DLG4: variants seen among roughly 807,000 people sequenced by gnomAD.
DLG4 encodes the protein disks large homolog 4.
In DLG4, 7 loss-of-function variants were observed where a neutral mutation model predicts 93.8. The observed-to-expected ratio is 0.07, with a 90% CI of 0.04 to 0.14. The LOEUF is 0.14. Ranked by LOEUF, DLG4 falls within the 10% of genes least tolerant of loss-of-function variation. The pLI, the probability that DLG4 is intolerant of heterozygous loss-of-function variation, is 1.00. For synonymous variants in DLG4, 341 were observed against 387.6 expected, an observed-to-expected ratio of 0.88 and a Z score of 1.41; for missense variants, 545 against 992.9, an observed-to-expected ratio of 0.55 and a Z score of 6.06.
At chr17:7,207,732 GCA>G (rs147158727) in intron 2 of DLG4, among the ~76,000 whole-genome samples, 154 of 149,452 alleles carry the variant, frequency 1.0e-3, no homozygotes, top group African/African-American at 1.2e-3. Context: ...GCGCACGCAC[GCA>G]CACACACACA....
chr17:7,194,065 G>A lies in DLG4; in HGVS notation c.1479-65C>T, dbSNP rs1446292576. On this transcript the variant is annotated intron_variant, in intron 12 of 19. Coordinates refer to ENST00000399506, the MANE Select transcript of DLG4 (RefSeq NM_001321075.3). The surrounding 1 kb of genome is among the most constrained non-coding windows in gnomAD (Gnocchi z 4.4). ...CTACCCCCTGCCACCCCCATGCTCT[G>A]AGCCAGCTGACAACCCCTTCTCCAT... 1 of 1,580,882 alleles carries A rather than the reference G, an allele frequency of 6.3e-7. No homozygotes were observed. The highest frequency in any genetic ancestry group is 1.3e-5 in the African/African-American group (1 of 74,256).
chr17:7,218,684 A>G (rs373871231), upstream of DLG4: 30 of 1,543,058 alleles, frequency 1.9e-5, no homozygotes, highest in African/African-American at 3.4e-4. Flanking sequence ...ATGCCAACAC[A>G]GGAAGATGAA....
chr17:7,214,663 C>T (rs2070834585), intron 1 of DLG4, among the ~76,000 whole-genome samples: 1 of 152,226 alleles, frequency 6.6e-6, no homozygotes, highest in African/African-American at 2.4e-5. Context: ...CTCCGCCTTC[C>T]GCCACCCTCG....
chr17:7,191,909 A>C lies in DLG4; in HGVS notation c.1960T>G (p.Ser654Ala), dbSNP rs1360253237. 6.7e-7 allele frequency: 1 copy of C among 1,485,246 alleles called. No individual in the cohort carries two copies. The highest frequency in any genetic ancestry group is 9.0e-7 in the Non-Finnish European group (1 of 1,115,058). The allele number at this position is 1,485,246 out of a possible 1,614,324, so 92.0% of individuals were successfully genotyped here. ...CATACTCACAGCACATTCTCCAGGG[A>C]GCGGGGGCGGATGAAGATGGCGATG... Reference protein sequence around the residue: ...HPIAIFIRPRSLENVLEINKR... With the variant: ...HPIAIFIRPRALENVLEINKR... The change falls in exon 18 of 20, where the codon TCC becomes GCC. Residue 654 changes from serine to alanine, a missense_variant. Ser to Ala is a moderately conservative substitution (Grantham distance 99). Transcript: ENST00000399506. This position sits in a 1 kb window ranked among gnomAD's most constrained non-coding sequence, Gnocchi z 6.6.
At chr17:7,206,771 A>C (rs1173051951) in intron 2 of DLG4, among the ~76,000 whole-genome samples, 1 of 151,824 alleles carries the variant, frequency 6.6e-6, no homozygotes, top group Non-Finnish European at 1.5e-5. Context: ...CTCTCTTGCC[A>C]GTTCTAACTC....
intron 8 of DLG4, among the ~76,000 whole-genome samples, chr17:7,198,375 C>T (rs767528305): frequency 5.3e-5 from 8 of 150,888 alleles, no homozygotes; most frequent in East Asian, 2.0e-4. Flanking sequence ...CTCAGGTACT[C>T]GGGAGGCTGA....
intron 8 of DLG4, among the ~76,000 whole-genome samples, chr17:7,201,781 C>A (rs569836493): frequency 6.6e-6 from 1 of 151,964 alleles, no homozygotes; most frequent in Admixed American, 6.6e-5. Context: ...CTCGGGAGGC[C>A]GGGGCAGCAG....
upstream of DLG4, among the ~76,000 whole-genome samples, chr17:7,218,073 T>A (rs746011268): frequency 1.3e-5 from 2 of 150,402 alleles, no homozygotes; most frequent in African/African-American, 2.5e-5. Context: ...GGAGAGTGGG[T>A]ACAGGACCAC....
rs1337871243 is a variant in DLG4, at chr17:7,194,125, C to T, written c.1479-125G>A. On this transcript the variant is annotated intron_variant, in intron 12 of 19. Coordinates refer to ENST00000399506, the MANE Select transcript of DLG4 (RefSeq NM_001321075.3). The surrounding 1 kb of genome is among the most constrained non-coding windows in gnomAD (Gnocchi z 4.4). ...CAGCTGACACCCCTTCTCCTGCAGC[C>T]CTGGACACTGTGCTCCTCAATAAGG... The T allele has an allele frequency of 3.2e-5, 44 of 1,378,516 alleles. No homozygotes were observed. The highest frequency in any genetic ancestry group is 4.3e-5 in the Non-Finnish European group (43 of 1,010,088). 85.4% of individuals were successfully genotyped at this position (1,378,516 alleles called of 1,614,324 possible).
Position 7,195,300 on chromosome 17 carries a change from G to A in DLG4, c.1302-805C>T, listed in dbSNP as rs2069716964. ...GGGCCCCCTGGAAGTGTGACAACCAGATGACATTCCGCCTGGGAGCCACTA... is the reference window on the plus strand; with the variant it reads ...GGGCCCCCTGGAAGTGTGACAACCAAATGACATTCCGCCTGGGAGCCACTA... On this transcript the variant is annotated intron_variant, in intron 11 of 19. Transcript: ENST00000399506. This position sits in a 1 kb window ranked among gnomAD's most constrained non-coding sequence, Gnocchi z 4.3. Among the ~76,000 whole-genome samples, 1 of 152,176 alleles carries A rather than the reference G, an allele frequency of 6.6e-6. No homozygotes were observed.
intron 8 of DLG4, among the ~76,000 whole-genome samples, chr17:7,197,629 C>T (rs568776502): frequency 1.4e-4 from 21 of 152,044 alleles, no homozygotes; most frequent in Non-Finnish European, 2.4e-4. Flanking sequence ...GGATTACAGG[C>T]GCGCGCCACC....
chr17:7,206,394 C>G (rs569250189), intron 2 of DLG4, among the ~76,000 whole-genome samples: 1 of 152,226 alleles, frequency 6.6e-6, no homozygotes, highest in South Asian at 2.1e-4. Context: ...TTCTCCTGTT[C>G]CCCAGGTGAG....
In DLG4 at chr17:7,217,216, G is replaced by A; in HGVS notation, c.-69C>T. The A allele has an allele frequency of 7.9e-7, 1 of 1,261,240 alleles. No individual in the cohort carries two copies. Among genetic ancestry groups the A allele is most frequent in the South Asian group, 3.5e-5 (1 of 28,638 alleles). 78.1% of individuals were successfully genotyped at this position (1,261,240 alleles called of 1,614,324 possible). ...CATCGGAGTTTCGTTCCTCCCCTCCGTGGGTTCTCACCCCTCCCCCCTCCG... is the reference window on the plus strand; with the variant it reads ...CATCGGAGTTTCGTTCCTCCCCTCCATGGGTTCTCACCCCTCCCCCCTCCG... On this transcript the variant is annotated 5_prime_UTR_variant, in exon 1 of 20. The change creates a new upstream start codon in the 5' untranslated region. Transcript: ENST00000399506.
At position 7,203,812 on chromosome 17, in the gene DLG4, T is replaced by C; in HGVS notation, c.215A>G (p.Asn72Ser). The change falls in exon 5 of 20, where the codon AAC (asparagine) becomes AGC (serine). Residue 72 changes from asparagine to serine, a missense_variant. Coordinates refer to ENST00000399506, the MANE Select transcript of DLG4 (RefSeq NM_001321075.3). This position sits in a 1 kb window ranked among gnomAD's most constrained non-coding sequence, Gnocchi z 7.2. ...EYEEITLERG[N>S]SGLGFSIAGG... ...TGCGATGCTGAAGCCCAGACCTGAGTTACCCTGGGTGAAGGAGGGGAAGAG... is the reference window on the plus strand; with the variant it reads ...TGCGATGCTGAAGCCCAGACCTGAGCTACCCTGGGTGAAGGAGGGGAAGAG... 1 of 1,613,746 alleles carries C rather than the reference T, an allele frequency of 6.2e-7. No homozygotes were observed. Among genetic ancestry groups the C allele is most frequent in the Non-Finnish European group, 8.5e-7 (1 of 1,179,830 alleles).
At chr17:7,201,099 G>A (rs1440138998) in intron 8 of DLG4, among the ~76,000 whole-genome samples, 1 of 151,960 alleles carries the variant, frequency 6.6e-6, no homozygotes, top group Admixed American at 6.6e-5. Flanking sequence ...CCTGACCTCA[G>A]GTGATCCGCC....
chr17:7,209,568 T>TG (rs2070628334), intron 1 of DLG4, among the ~76,000 whole-genome samples: 1 of 152,100 alleles, frequency 6.6e-6, no homozygotes, highest in African/African-American at 2.4e-5. Flanking sequence ...GAGCTGGAGT[T>TG]GGAGACCAGC....
chr17:7,198,230 T>A (rs968294067), intron 8 of DLG4, among the ~76,000 whole-genome samples: 2 of 152,126 alleles, frequency 1.3e-5, no homozygotes, highest in Admixed American at 6.6e-5. Flanking sequence ...ATGCCTGTAA[T>A]CCCAGCACTG....
rs1158350203 is a variant in DLG4, at chr17:7,188,570, C to T, written c.*2138G>A. Among the ~76,000 whole-genome samples the T allele has an allele frequency of 6.6e-6, 1 of 152,134 alleles. No individual in the cohort carries two copies. Among genetic ancestry groups the T allele is most frequent in the Non-Finnish European group, 1.5e-5 (1 of 68,014 alleles). On this transcript the variant is annotated 3_prime_UTR_variant, in exon 20 of 20. Transcript: ENST00000399506. ...GTCACCATTCTACATAGCAGGATCT[C>T]AGGAGCTTCAGTTAGGACTTAGGGC...
At chr17:7,219,649 G>A (rs2071087909), upstream of DLG4, 3 of 1,269,398 alleles carry the variant, frequency 2.4e-6, no homozygotes, top group African/African-American at 1.5e-5. Context: ...CCTCCCTTCA[G>A]TCCACCTCCA....
Sources: allele counts gnomAD v4.1 joint callset (sites outside exome capture counted in the v4.1 genomes callset), GRCh38; gene constraint gnomAD v4.1.1; non-coding constraint Gnocchi (gnomAD v3.1); transcripts MANE v1.5; gene names NCBI Gene and HGNC (gene_info 2026-07-23, HGNC 2026-07-21).